PKHD1: variants seen among roughly 807,000 people sequenced by gnomAD.
The protein encoded by PKHD1 is fibrocystin.
Under a neutral mutation model 412.0 loss-of-function variants are expected in PKHD1, and 291 were observed. The ratio of observed to expected loss-of-function variants is 0.71; its 90% confidence interval spans 0.64 to 0.78. PKHD1 has a LOEUF of 0.78. PKHD1 is among the 30% of genes least tolerant of loss of function. The pLI is 0.00. For missense variants in PKHD1, 4,825 were observed against 4,950.7 expected, an observed-to-expected ratio of 0.97 and a Z score of 0.76; for synonymous variants, 1,777 against 1,821.5, an observed-to-expected ratio of 0.98 and a Z score of 0.62.
At chr6:51,634,171 C>T (rs892966341) in intron 64 of PKHD1, among the ~76,000 whole-genome samples, 2 of 152,054 alleles carry the variant, frequency 1.3e-5, no homozygotes, top group Non-Finnish European at 2.9e-5. Context: ...ATAACTCAGG[C>T]AAAAAGAGTT....
At chr6:51,831,636 C>T (rs1439422654) in intron 51 of PKHD1, among the ~76,000 whole-genome samples, 1 of 152,092 alleles carries the variant, frequency 6.6e-6, no homozygotes, top group Non-Finnish European at 1.5e-5. Context: ...ATACATTCCT[C>T]AATGGAATGA....
At chr6:51,829,790 T>C (rs1206527439) in intron 52 of PKHD1, among the ~76,000 whole-genome samples, 1 of 152,124 alleles carries the variant, frequency 6.6e-6, no homozygotes, top group Admixed American at 6.6e-5. Flanking sequence ...CCCTCCTTTA[T>C]TTTACTCGTA....
chr6:52,038,972 T>G (rs899040169), intron 27 of PKHD1, among the ~76,000 whole-genome samples: 1 of 152,212 alleles, frequency 6.6e-6, no homozygotes, highest in Non-Finnish European at 1.5e-5. Flanking sequence ...GAGAAAATAT[T>G]TGCAAATTAT....
In PKHD1 at chr6:52,078,555, G is replaced by A. The variant is rs139181555; in HGVS notation, c.390+1345C>T. On this transcript the variant is annotated intron_variant, in intron 5 of 66. Coordinates refer to ENST00000371117, the MANE Select transcript of PKHD1 (RefSeq NM_138694.4). ...CAGTCCCAAAACAAAGAGACACGCC[G>A]TGTTTTATTTAGCCTGGAATGCCTC... 6.0e-3 allele frequency among the ~76,000 whole-genome samples: 914 copies of A among 152,254 alleles called. 7 individuals are homozygous for A. Among genetic ancestry groups the A allele is most frequent in the Non-Finnish European group, 9.7e-3 (659 of 68,022 alleles).
In PKHD1 at chr6:51,632,637, G is replaced by A. The variant is rs2150304186; in HGVS notation, c.11593C>T (p.Leu3865=). Residue 3865 remains leucine, a synonymous_variant, in exon 65 of 67, where the codon CTG becomes TTG. Coordinates refer to ENST00000371117, the MANE Select transcript of PKHD1 (RefSeq NM_138694.4). The stretch of plus-strand genomic sequence containing the variant: ...GCCAGCCATGAGGCCACAGAGGACA[G>A]GGAAGCAGCCAGGATGATGGTCGAC... The part of the protein sequence containing the change: ...EKSTIILAAS[L]SSVASWLALS... 1.2e-6 allele frequency: 2 copies of A among 1,613,538 alleles called. No individual in the cohort carries two copies. Among genetic ancestry groups the A allele is most frequent in the South Asian group, 1.1e-5 (1 of 91,070 alleles).
At position 52,070,391 on chromosome 6, in the gene PKHD1, T is replaced by C; in HGVS notation, c.707+15A>G. 3.2e-6 allele frequency: 5 copies of C among 1,563,850 alleles called. 1 individual carries two copies. The highest frequency in any genetic ancestry group is 2.2e-5 in the South Asian group (2 of 90,036). On this transcript the variant is annotated intron_variant, in intron 10 of 66. Transcript: ENST00000371117. ...ATGAAGACAAATTTGCCTATTTCTA[T>C]ACCCAGTTACTTACTTTCCTTTGTT...
At chr6:51,934,083 T>C (rs752608532) in intron 37 of PKHD1, 27 bp downstream of exon 37, 2 of 1,538,794 alleles carry the variant, frequency 1.3e-6, no homozygotes, top group South Asian at 2.2e-5. Flanking sequence ...CTCTACTTCA[T>C]TTCCTCTGAT....
At chr6:51,892,699 C>A (rs1321517) in intron 43 of PKHD1, among the ~76,000 whole-genome samples, 1 of 152,074 alleles carries the variant, frequency 6.6e-6, no homozygotes, top group Non-Finnish European at 1.5e-5. Flanking sequence ...AATAAGAATG[C>A]TTTAATAGTC....
chr6:51,640,507 T>C (rs1467212439), intron 63 of PKHD1, among the ~76,000 whole-genome samples: 3 of 152,138 alleles, frequency 2.0e-5, no homozygotes, highest in Non-Finnish European at 4.4e-5. Context: ...TATGATGACA[T>C]ATACAAATGC....
At chr6:51,988,750 G>T (rs1796512382) in intron 35 of PKHD1, among the ~76,000 whole-genome samples, 1 of 152,166 alleles carries the variant, frequency 6.6e-6, no homozygotes. Flanking sequence ...CACCATCATT[G>T]AGGGGAAATG....
rs182106441 is a variant in PKHD1 at position 51,811,670 on chromosome 6, T to C, written c.8302+19191A>G. Among the ~76,000 whole-genome samples the C allele has an allele frequency of 4.9e-3, 743 of 152,270 alleles. 5 individuals are homozygous for C. Among genetic ancestry groups the C allele is most frequent in the Middle Eastern group, 0.01 (3 of 294 alleles). On this transcript the variant is annotated intron_variant, in intron 52 of 66. Coordinates refer to ENST00000371117, the MANE Select transcript of PKHD1 (RefSeq NM_138694.4). ...ACCTGATAAAGAGAGATGGTAATAG[T>C]GCTTCACAGGGTGTTGTGAGGATTC...
At chr6:51,891,197 A>T (rs1779058882) in intron 43 of PKHD1, among the ~76,000 whole-genome samples, 1 of 152,180 alleles carries the variant, frequency 6.6e-6, no homozygotes, top group Admixed American at 6.5e-5. Context: ...GGCTTCAGTC[A>T]TTCTAGACTA....
At chr6:51,685,575 A>G (rs958314189) in intron 60 of PKHD1, among the ~76,000 whole-genome samples, 2 of 152,128 alleles carry the variant, frequency 1.3e-5, no homozygotes, top group African/African-American at 4.8e-5. Context: ...TGTTTCTGAG[A>G]TTGGTCCCTT....
intron 35 of PKHD1, among the ~76,000 whole-genome samples, chr6:51,993,926 G>A (rs932752760): frequency 4.6e-5 from 7 of 152,088 alleles, no homozygotes; most frequent in African/African-American, 1.7e-4. Context: ...ATTTCCCAAA[G>A]TGTTCCACAG....
chr6:51,691,027 A>G (rs1778090599), intron 60 of PKHD1, among the ~76,000 whole-genome samples: 1 of 152,222 alleles, frequency 6.6e-6, no homozygotes, highest in Non-Finnish European at 1.5e-5. Flanking sequence ...AAGAAGACAT[A>G]CATGCAGCCA....
intron 43 of PKHD1, among the ~76,000 whole-genome samples, chr6:51,889,622 T>C (rs1162957650): frequency 6.6e-6 from 1 of 152,126 alleles, no homozygotes; most frequent in East Asian, 1.9e-4. Context: ...GATATTTTGA[T>C]TTATTAGGGG....
chr6:51,780,246 C>A (rs927057593), intron 53 of PKHD1, among the ~76,000 whole-genome samples: 3 of 151,962 alleles, frequency 2.0e-5, no homozygotes, highest in Non-Finnish European at 4.4e-5. Context: ...ATTAGCTTGG[C>A]GTGGTGCGAC....
At chr6:51,727,866 T>C (rs1369601052) in intron 60 of PKHD1, among the ~76,000 whole-genome samples, 1 of 152,174 alleles carries the variant, frequency 6.6e-6, no homozygotes, top group African/African-American at 2.4e-5. Flanking sequence ...AGGGAGGCAA[T>C]GTGATAATTG....
intron 66 of PKHD1, among the ~76,000 whole-genome samples, chr6:51,620,474 T>C (rs1046011759): frequency 9.9e-5 from 15 of 152,094 alleles, no homozygotes; most frequent in Admixed American, 5.9e-4. Context: ...GTTGAACTTG[T>C]CCTAAACCCT....
Sources: allele counts gnomAD v4.1 joint callset (sites outside exome capture counted in the v4.1 genomes callset), GRCh38; gene constraint gnomAD v4.1.1; transcripts MANE v1.5; gene names NCBI Gene and HGNC (gene_info 2026-07-23, HGNC 2026-07-21).